Variants in OR7D4 observed in about 807,000 individuals in gnomAD.
OR7D4 encodes the protein olfactory receptor 7D4.
For synonymous variants in OR7D4, 154 were observed against 158.4 expected (o/e 0.97, Z 0.21); for missense variants, 319 against 377.1 (o/e 0.85, Z 1.27).
chr19:9,216,525 T>C (rs1478634217), intron 1 of OR7D4, among the ~76,000 whole-genome samples: 3 of 152,180 alleles, frequency 2.0e-5, no homozygotes, highest in South Asian at 4.1e-4. Context: ...AATGAGATTA[T>C]CCATGTCATT....
In OR7D4 at chr19:9,211,766, C is replaced by T. The variant is rs1460211014; in HGVS notation, c.*2133G>A. ...CTCTAGCCTGGGCGACAGAGCAAGA[C>T]TCCATCTCAAAAAAAAAAAAAAAAA... is the stretch of plus-strand genomic sequence containing the variant. On this transcript the variant is annotated 3_prime_UTR_variant, in exon 2 of 2. Coordinates refer to ENST00000641669, the MANE Select transcript of OR7D4 (RefSeq NM_001005191.3). 1.7e-5 allele frequency: 2 copies of T among 117,704 alleles called. No individual in the cohort carries two copies. The highest frequency in any genetic ancestry group is 4.8e-4 in the East Asian group (2 of 4,148). The allele number at this position is 117,704 out of a possible 1,614,324, so 7.3% of individuals were successfully genotyped here.
intron 1 of OR7D4, among the ~76,000 whole-genome samples, chr19:9,218,854 AGG>A (rs890191232): frequency 2.3e-4 from 35 of 152,142 alleles, no homozygotes; most frequent in African/African-American, 8.2e-4. Flanking sequence ...GGCTGGTCTC[AGG>A]GTCCTGGCCT....
Position 9,212,142 on chromosome 19 carries a change from C to G in OR7D4, c.*1757G>C, listed in dbSNP as rs368164789. 2.0e-5 allele frequency: 3 copies of G among 152,132 alleles called. No individual in the cohort carries two copies. The highest frequency in any genetic ancestry group is 1.3e-4 in the Admixed American group (2 of 15,268). 9.4% of individuals were successfully genotyped at this position (152,132 alleles called of 1,614,324 possible). On this transcript the variant is annotated 3_prime_UTR_variant, in exon 2 of 2. Coordinates refer to ENST00000641669, the MANE Select transcript of OR7D4 (RefSeq NM_001005191.3). The stretch of plus-strand genomic sequence containing the variant: ...GATACAGGAATGCAATGTGAAATAA[C>G]CACATCGTGGAGAATGAGGTATTCA...
At chr19:9,219,146 A>T (rs2051238076) in intron 1 of OR7D4, 54 bp downstream of exon 1, 1 of 152,144 alleles carries the variant, frequency 6.6e-6, no homozygotes, top group Non-Finnish European at 1.5e-5. Context: ...CTGCCAGGAA[A>T]AATATAGAAT....
In OR7D4 at chr19:9,211,332, T is replaced by C. The variant is rs573701093; in HGVS notation, c.*2567A>G. On this transcript the variant is annotated 3_prime_UTR_variant, in exon 2 of 2. Coordinates refer to ENST00000641669, the MANE Select transcript of OR7D4 (RefSeq NM_001005191.3). ...CATCTGATTGCAGTCTTGTTAGATA[T>C]GGGGAAATGCTTAAGCAATATATAA... 3 of 152,312 alleles carry C rather than the reference T, an allele frequency of 2.0e-5. No individual in the cohort carries two copies. Among genetic ancestry groups the C allele is most frequent in the Admixed American group, 6.5e-5 (1 of 15,298 alleles). 9.4% of individuals were successfully genotyped at this position (152,312 alleles called of 1,614,324 possible).
At chr19:9,218,738 C>T (rs1200667867) in intron 1 of OR7D4, among the ~76,000 whole-genome samples, 1 of 152,072 alleles carries the variant, frequency 6.6e-6, no homozygotes, top group African/African-American at 2.4e-5. Flanking sequence ...AAGCAATTAT[C>T]CCATCTCAGT....
At chr19:9,215,067 G>A (rs1020791878) in intron 1 of OR7D4, among the ~76,000 whole-genome samples, 3 of 151,958 alleles carry the variant, frequency 2.0e-5, no homozygotes, top group Non-Finnish European at 2.9e-5. Context: ...CTCTTTGGCC[G>A]GGCATGGTGG....
At position 9,213,100 on chromosome 19, in the gene OR7D4, C is replaced by G. The variant is rs1429542835; in HGVS notation, c.*799G>C. 1 of 152,164 alleles carries G rather than the reference C, an allele frequency of 6.6e-6. No individual in the cohort carries two copies. Among genetic ancestry groups the G allele is most frequent in the South Asian group, 2.1e-4 (1 of 4,826 alleles). 9.4% of individuals were successfully genotyped at this position (152,164 alleles called of 1,614,324 possible). A position where few individuals can be genotyped will look rare whatever the true frequency, so the allele number is the denominator to read the frequency against. On this transcript the variant is annotated 3_prime_UTR_variant, in exon 2 of 2. Coordinates refer to ENST00000641669, the MANE Select transcript of OR7D4 (RefSeq NM_001005191.3). ...GAATAACATCAGACATGTAAAGCAACAAGCACTGTCCTGATATTGTAAACA... is the reference window on the plus strand; with the variant it reads ...GAATAACATCAGACATGTAAAGCAAGAAGCACTGTCCTGATATTGTAAACA...
intron 1 of OR7D4, among the ~76,000 whole-genome samples, chr19:9,216,903 T>C (rs1312756333): frequency 6.6e-6 from 1 of 152,208 alleles, no homozygotes; most frequent in Non-Finnish European, 1.5e-5. Flanking sequence ...GAACTTTTGT[T>C]TTTAACATTA....
At chr19:9,218,547 A>C (rs1451211563) in intron 1 of OR7D4, among the ~76,000 whole-genome samples, 1 of 152,214 alleles carries the variant, frequency 6.6e-6, no homozygotes, top group African/African-American at 2.4e-5. Context: ...GCTATGTTAA[A>C]ACAGTAAGGG....
rs138279050 is a variant in OR7D4 at position 9,213,913 on chromosome 19, C to A, written c.925G>T (p.Asp309Tyr). 2 of 1,613,388 alleles carry A rather than the reference C, an allele frequency of 1.2e-6. No individual in the cohort carries two copies. Among genetic ancestry groups the A allele is most frequent in the Non-Finnish European group, 1.7e-6 (2 of 1,179,410 alleles). ...GCCCTGATTTGTCATGGACAAGAGT[C>A]GGCCCTGCTGAGGAGTCTTTCCAGG... ...GALERLLSRA[D>Y]SCP The change falls in exon 2 of 2, where the codon GAC (aspartate) becomes TAC (tyrosine). Residue 309 changes from aspartate (D) to tyrosine (Y), a missense_variant. Coordinates refer to ENST00000641669, the MANE Select transcript of OR7D4 (RefSeq NM_001005191.3).
At position 9,210,729 on chromosome 19, in the gene OR7D4, A is replaced by C. The variant is rs1248308020; in HGVS notation, c.*3170T>G. 1 of 151,006 alleles carries C rather than the reference A, an allele frequency of 6.6e-6. No individual in the cohort carries two copies. Among genetic ancestry groups the C allele is most frequent in the Non-Finnish European group, 1.5e-5 (1 of 67,880 alleles). 9.4% of individuals were successfully genotyped at this position (151,006 alleles called of 1,614,324 possible). ...ACACAACACACACAACACAGAGTCT[A>C]CACTAGGGAGTTCTCCGCCTGAAGT... On this transcript the variant is annotated 3_prime_UTR_variant, in exon 2 of 2. Transcript: ENST00000641669.
rs748899150 is a variant in OR7D4 at position 9,214,445 on chromosome 19, G to C, written c.393C>G (p.His131Gln). 3.2e-5 allele frequency: 51 copies of C among 1,614,042 alleles called. No individual in the cohort carries two copies. Among genetic ancestry groups the C allele is most frequent in the South Asian group, 2.5e-4 (23 of 91,080 alleles). ...GGCAGGGGTTCATGATGACCGTGTA[G>C]TGCAGTGGGTGGCAGATGGCCACAA... ...DRFVAICHPL[H>Q]YTVIMNPCLC... The change falls in exon 2 of 2, where the codon CAC (histidine) becomes CAG (glutamine). Residue 131 changes from histidine (H) to glutamine (Q), a missense_variant. His to Gln is a conservative substitution (Grantham distance 24). Coordinates refer to ENST00000641669, the MANE Select transcript of OR7D4 (RefSeq NM_001005191.3).
intron 1 of OR7D4, among the ~76,000 whole-genome samples, chr19:9,217,621 C>G (rs376727684): frequency 6.6e-6 from 1 of 152,158 alleles, no homozygotes; most frequent in South Asian, 2.1e-4. Context: ...TCACTGCAAC[C>G]TCTGCCTCCC....
intron 1 of OR7D4, among the ~76,000 whole-genome samples, chr19:9,217,662 C>A (rs186821986): frequency 3.3e-5 from 5 of 152,224 alleles, no homozygotes; most frequent in Non-Finnish European, 7.3e-5. Context: ...TCTCAGCCTC[C>A]TGAGTAGCTG....
At chr19:9,217,721 TAG>T (rs1270843170) in intron 1 of OR7D4, among the ~76,000 whole-genome samples, 1 of 152,142 alleles carries the variant, frequency 6.6e-6, no homozygotes, top group Non-Finnish European at 1.5e-5. Flanking sequence ...TTATTTTTAG[TAG>T]AGACAGGGTT....
Position 9,214,545 on chromosome 19 carries a change from A to G in OR7D4, c.293T>C (p.Leu98Pro), listed in dbSNP as rs201617115. 1.2e-6 allele frequency: 2 copies of G among 1,614,178 alleles called. No homozygotes were observed. Among genetic ancestry groups the G allele is most frequent in the Non-Finnish European group, 1.7e-6 (2 of 1,180,024 alleles). The change falls in exon 2 of 2, where the codon CTC becomes CCC. Residue 98 changes from leucine to proline, a missense_variant. Physicochemically the swap from Leu to Pro is moderately conservative, Grantham distance 98. Coordinates refer to ENST00000641669, the MANE Select transcript of OR7D4 (RefSeq NM_001005191.3). The part of the protein sequence containing the change: ...RSKDISYMGC[L>P]TQVYFLMMFA... Reference sequence around the variant, plus strand: ...CATCATTAAAAAATACACCTGAGTGAGGCACCCCATGTAGGAGATGTCTTT... The same window carrying G: ...CATCATTAAAAAATACACCTGAGTGGGGCACCCCATGTAGGAGATGTCTTT...
chr19:9,214,697 C>A lies in OR7D4; in HGVS notation c.141G>T (p.Leu47=), dbSNP rs1195972770. The change falls in exon 2 of 2, where the codon CTG becomes CTT. Residue 47 remains leucine (L), a synonymous_variant. Coordinates refer to ENST00000641669, the MANE Select transcript of OR7D4 (RefSeq NM_001005191.3). The part of the protein sequence containing the change: ...VTVLGNLLII[L]AVSSDSHLHT... Reference sequence around the variant, plus strand: ...GGAGGTGGGAGTCAGAGCTGACGGCCAGAATGATGAGCAGGTTCCCCAGCA... The same window carrying A: ...GGAGGTGGGAGTCAGAGCTGACGGCAAGAATGATGAGCAGGTTCCCCAGCA... 6.2e-7 allele frequency: 1 copy of A among 1,613,868 alleles called. No homozygotes were observed. The highest frequency in any genetic ancestry group is 1.7e-5 in the Admixed American group (1 of 59,978).
In OR7D4 at chr19:9,213,661, C is replaced by A; in HGVS notation, c.*238G>T. ...GCTGAGGCAGGAGAACCGCTTCAACCTGGGAGGTAGAGGTTGCAGTGAGCC... is the reference window on the plus strand; with the variant it reads ...GCTGAGGCAGGAGAACCGCTTCAACATGGGAGGTAGAGGTTGCAGTGAGCC... On this transcript the variant is annotated 3_prime_UTR_variant, in exon 2 of 2. Coordinates refer to ENST00000641669, the MANE Select transcript of OR7D4 (RefSeq NM_001005191.3). 1 of 472,020 alleles carries A rather than the reference C, an allele frequency of 2.1e-6. No individual in the cohort carries two copies. The highest frequency in any genetic ancestry group is 3.8e-6 in the Non-Finnish European group (1 of 261,116). 29.2% of individuals were successfully genotyped at this position (472,020 alleles called of 1,614,324 possible).
Sources: gnomAD v4.1 joint callset for allele counts (sites outside exome capture counted in the v4.1 genomes callset) on GRCh38, gnomAD v4.1.1 for gene constraint, MANE v1.5 for transcripts, NCBI Gene and HGNC (gene_info 2026-07-23, HGNC 2026-07-21) for gene names.